The following CWC22 variants were observed in gnomAD, a reference collection of about 807,000 sequenced individuals.
CWC22 encodes the protein pre-mRNA-splicing factor CWC22 homolog.
In CWC22, 53 loss-of-function variants were observed where a neutral mutation model predicts 117.2. That is an observed-to-expected ratio of 0.45 (90% CI 0.36 to 0.57). The LOEUF is 0.57. Among genes scored for constraint, CWC22 ranks in the 20% least tolerant of loss-of-function variants. CWC22 has a pLI of 0.00. For missense variants in CWC22, 980 were observed against 1,068.8 expected (o/e 0.92, Z 1.16); for synonymous variants, 360 against 355.6 (o/e 1.01, Z -0.14).
In CWC22 at chr2:179,945,075, A is replaced by G. The variant is rs957000949; in HGVS notation, c.*54T>C. 3.1e-6 allele frequency: 4 copies of G among 1,270,112 alleles called. No individual in the cohort carries two copies. The highest frequency in any genetic ancestry group is 4.3e-6 in the Non-Finnish European group (4 of 926,388). The allele number at this position is 1,270,112 out of a possible 1,614,324, so 78.7% of individuals were successfully genotyped here. A position where few individuals can be genotyped will look rare whatever the true frequency, so the allele number is the denominator to read the frequency against. ...TCTATAAAGTTCGTCAAAGTAAAAA[A>G]TAATTTGTTTCAACTGAATATAAGG... is the stretch of plus-strand genomic sequence containing the variant. On this transcript the variant is annotated 3_prime_UTR_variant, in exon 20 of 20. Transcript: ENST00000410053.
rs939096820 is a variant in CWC22, at chr2:179,980,504, G to A, written c.452+1248C>T. 1.8e-3 allele frequency among the ~76,000 whole-genome samples: 265 copies of A among 147,722 alleles called. 3 individuals carry two copies. Among genetic ancestry groups the A allele is most frequent in the Admixed American group, 0.018 (261 of 14,552 alleles). ...GCGATCTCGGCTCACTGCAAGCTCC[G>A]CCTCCTGGGTTCATGCCATTCTTCT... is the stretch of plus-strand genomic sequence containing the variant. On this transcript the variant is annotated intron_variant, in intron 5 of 19. Coordinates refer to ENST00000410053, the MANE Select transcript of CWC22 (RefSeq NM_020943.3).
chr2:179,967,395 C>T (rs986890482), intron 11 of CWC22, among the ~76,000 whole-genome samples: 2 of 152,160 alleles, frequency 1.3e-5, no homozygotes, highest in African/African-American at 2.4e-5. Context: ...GGTTTCAAAG[C>T]ATGGTCTAGG....
intron 16 of CWC22, among the ~76,000 whole-genome samples, chr2:179,953,732 T>C (rs1686514166): frequency 6.6e-6 from 1 of 152,126 alleles, no homozygotes; most frequent in Non-Finnish European, 1.5e-5. Flanking sequence ...TCTCTATAGC[T>C]TACCCAACTT....
intron 13 of CWC22, among the ~76,000 whole-genome samples, chr2:179,961,659 TGAA>T (rs752256664): frequency 8.6e-5 from 13 of 152,012 alleles, no homozygotes; most frequent in Non-Finnish European, 1.3e-4. Flanking sequence ...GAGTAGTTGA[TGAA>T]GAAATGTTAC....
intron 2 of CWC22, among the ~76,000 whole-genome samples, chr2:179,991,125 T>C (rs916959437): frequency 3.9e-5 from 6 of 152,270 alleles, no homozygotes; most frequent in Middle Eastern, 3.4e-3. Context: ...TATGGTGACA[T>C]CATGTAGTAA....
At chr2:179,960,915 T>A (rs566660355) in intron 13 of CWC22, among the ~76,000 whole-genome samples, 2 of 151,986 alleles carry the variant, frequency 1.3e-5, no homozygotes, top group Non-Finnish European at 2.9e-5. Context: ...GTAAATGATA[T>A]ATTATTCTAT....
intron 3 of CWC22, among the ~76,000 whole-genome samples, chr2:179,988,239 C>A (rs1385867084): frequency 6.6e-6 from 1 of 152,172 alleles, no homozygotes; most frequent in Non-Finnish European, 1.5e-5. Context: ...GAGCTATGTA[C>A]ATGTAAGAGA....
intron 1 of CWC22, among the ~76,000 whole-genome samples, chr2:180,000,287 G>T (rs1447502624): frequency 1.3e-5 from 2 of 152,190 alleles, no homozygotes; most frequent in East Asian, 3.8e-4. Context: ...ACCAGGTACA[G>T]GTTGAAAATC....
chr2:179,981,651 G>A, intron 5 of CWC22, 101 bp downstream of exon 5: 1 of 949,996 alleles, frequency 1.1e-6, no homozygotes, highest in Admixed American at 2.2e-5. Flanking sequence ...TATCACTATA[G>A]ACTAACGTAA....
chr2:179,994,449 C>T (rs1687648635), intron 1 of CWC22, among the ~76,000 whole-genome samples: 1 of 152,138 alleles, frequency 6.6e-6, no homozygotes, highest in Non-Finnish European at 1.5e-5. Flanking sequence ...GCCAGCTAGA[C>T]TTACAACTAG....
chr2:179,983,961 T>C (rs59814364), intron 4 of CWC22, among the ~76,000 whole-genome samples: 2,974 of 152,252 alleles, frequency 0.02, 107 homozygotes, highest in African/African-American at 0.067. Flanking sequence ...TTATTGTGTT[T>C]GTTCCTTTAT....
intron 13 of CWC22, among the ~76,000 whole-genome samples, chr2:179,963,798 TA>T (rs983639777): frequency 1.3e-5 from 2 of 152,210 alleles, no homozygotes; most frequent in African/African-American, 4.8e-5. Context: ...TATGAATCAT[TA>T]CTGCTATTAC....
At chr2:179,989,798 G>T (rs1687516062) in intron 2 of CWC22, among the ~76,000 whole-genome samples, 1 of 151,744 alleles carries the variant, frequency 6.6e-6, no homozygotes, top group Admixed American at 6.6e-5. Context: ...CTTTTTTTAA[G>T]AATTAAAATA....
chr2:179,987,565 G>T (rs886517354), intron 3 of CWC22, among the ~76,000 whole-genome samples: 1 of 151,994 alleles, frequency 6.6e-6, no homozygotes, highest in South Asian at 2.1e-4. Flanking sequence ...TTATGAATCA[G>T]GGCAATTAAC....
intron 1 of CWC22, among the ~76,000 whole-genome samples, chr2:179,999,262 T>C (rs936508813): frequency 1.3e-5 from 2 of 152,182 alleles, no homozygotes; most frequent in African/African-American, 4.8e-5. Context: ...GAGCAATTTA[T>C]CTAGAGTTTA....
chr2:179,993,240 T>C, intron 2 of CWC22, 75 bp downstream of exon 2: 1 of 1,092,690 alleles, frequency 9.2e-7, no homozygotes, highest in South Asian at 1.3e-5. Flanking sequence ...CCTAATTACA[T>C]AAATGCATTT....
chr2:179,954,651 A>G (rs1575638935), intron 15 of CWC22, among the ~76,000 whole-genome samples: 1 of 152,104 alleles, frequency 6.6e-6, no homozygotes, highest in South Asian at 2.1e-4. Context: ...CTGAACATGT[A>G]CTTGACTTTA....
At position 179,955,308 on chromosome 2, in the gene CWC22, A is replaced by G. The variant is rs1197131381; in HGVS notation, c.1459-274T>C. 2.0e-5 allele frequency among the ~76,000 whole-genome samples: 3 copies of G among 152,004 alleles called. No homozygotes were observed. The East Asian group carries it at 5.8e-4, about 29-fold the overall frequency. On this transcript the variant is annotated intron_variant, in intron 14 of 19. Coordinates refer to ENST00000410053, the MANE Select transcript of CWC22 (RefSeq NM_020943.3). Reference sequence around the variant, plus strand: ...AGTATGAACCACATCAAGAAAATCTAGTATAGGAAACAGACATATGAGGGA... The same window carrying G: ...AGTATGAACCACATCAAGAAAATCTGGTATAGGAAACAGACATATGAGGGA...
At chr2:180,001,506 T>G (rs952335399) in intron 1 of CWC22, among the ~76,000 whole-genome samples, 11 of 152,082 alleles carry the variant, frequency 7.2e-5, no homozygotes, top group Non-Finnish European at 1.5e-4. Flanking sequence ...TTTTGTGTAT[T>G]TTTAGTAGAG....
Sources: gnomAD v4.1 joint callset for allele counts (sites outside exome capture counted in the v4.1 genomes callset) on GRCh38, gnomAD v4.1.1 for gene constraint, MANE v1.5 for transcripts, NCBI Gene and HGNC (gene_info 2026-07-23, HGNC 2026-07-21) for gene names.